Variants in FARS2 observed in about 807,000 individuals in gnomAD.
The protein encoded by FARS2 is phenylalanine--tRNA ligase, mitochondrial.
Under a neutral mutation model 46.4 loss-of-function variants are expected in FARS2, and 40 were observed. The observed-to-expected ratio is 0.86, with a 90% CI of 0.67 to 1.12. FARS2 has a LOEUF of 1.12. FARS2 is among the 50% of genes most tolerant of loss of function. The pLI, the probability that FARS2 is intolerant of heterozygous loss-of-function variation, is 0.00. For synonymous variants in FARS2, 234 were observed against 214.9 expected (o/e 1.09, Z -0.78); for missense variants, 513 against 567.9 (o/e 0.90, Z 0.98).
chr6:5,433,682 A>G (rs185862123), intron 4 of FARS2, among the ~76,000 whole-genome samples: 58 of 152,368 alleles, frequency 3.8e-4, no homozygotes, highest in Middle Eastern at 3.4e-3. Context: ...GCTGACTTCA[A>G]ATACCTCTGT....
intron 4 of FARS2, among the ~76,000 whole-genome samples, chr6:5,514,243 G>C (rs1768647787): frequency 6.6e-6 from 1 of 152,106 alleles, no homozygotes; most frequent in African/African-American, 2.4e-5. Context: ...GTTAAAGCAA[G>C]TTTTGTGAAT....
chr6:5,264,939 T>A (rs1248156652), intron 1 of FARS2, among the ~76,000 whole-genome samples: 1 of 151,582 alleles, frequency 6.6e-6, no homozygotes. Context: ...GCCTATAGGC[T>A]CATGCCACCA....
chr6:5,415,930 C>G (rs1762214373), intron 3 of FARS2, among the ~76,000 whole-genome samples: 2 of 152,158 alleles, frequency 1.3e-5, no homozygotes, highest in Non-Finnish European at 2.9e-5. Flanking sequence ...TGGTCTTGAA[C>G]TCCTGGGCTC....
At chr6:5,490,554 T>C (rs1238548465) in intron 4 of FARS2, among the ~76,000 whole-genome samples, 1 of 152,260 alleles carries the variant, frequency 6.6e-6, no homozygotes. Context: ...TTCCTTGGGC[T>C]TGTGCCAGTA....
At chr6:5,509,749 C>A (rs563224119) in intron 4 of FARS2, among the ~76,000 whole-genome samples, 52 of 152,244 alleles carry the variant, frequency 3.4e-4, no homozygotes, top group African/African-American at 1.2e-3. Context: ...TGGGTGGTTT[C>A]TTTATGGGGA....
At chr6:5,585,540 G>A (rs1342515537) in intron 5 of FARS2, among the ~76,000 whole-genome samples, 1 of 151,208 alleles carries the variant, frequency 6.6e-6, no homozygotes, top group Non-Finnish European at 1.5e-5. Context: ...ACTTTTTAAA[G>A]ATTTCTCATG....
At chr6:5,757,371 A>G (rs1762259541) in intron 6 of FARS2, among the ~76,000 whole-genome samples, 1 of 152,126 alleles carries the variant, frequency 6.6e-6, no homozygotes, top group Non-Finnish European at 1.5e-5. Flanking sequence ...GGGAGTAGTT[A>G]GGAGCAAATA....
intron 4 of FARS2, among the ~76,000 whole-genome samples, chr6:5,538,019 C>T (rs1487019813): frequency 6.6e-6 from 1 of 152,058 alleles, no homozygotes; most frequent in Non-Finnish European, 1.5e-5. Flanking sequence ...ACTGTACAGA[C>T]TTTCATTAGT....
chr6:5,556,669 A>C (rs1771678692), intron 5 of FARS2, among the ~76,000 whole-genome samples: 1 of 118,006 alleles, frequency 8.5e-6, no homozygotes, highest in East Asian at 2.1e-4. Context: ...CTTGTTTATT[A>C]AGTTACTAAG....
intron 4 of FARS2, among the ~76,000 whole-genome samples, chr6:5,519,136 G>A (rs1469545606): frequency 1.3e-5 from 2 of 152,154 alleles, no homozygotes; most frequent in African/African-American, 4.8e-5. Context: ...CTGAAAGGAT[G>A]GTGACCAGGC....
At chr6:5,677,061 C>T (rs987528058) in intron 6 of FARS2, among the ~76,000 whole-genome samples, 3 of 152,212 alleles carry the variant, frequency 2.0e-5, no homozygotes, top group African/African-American at 7.2e-5. Flanking sequence ...ACATCTAAAA[C>T]TGTTTTCAAT....
intron 6 of FARS2, among the ~76,000 whole-genome samples, chr6:5,749,374 T>C (rs923056953): frequency 1.3e-5 from 2 of 152,158 alleles, no homozygotes; most frequent in African/African-American, 4.8e-5. Context: ...GTGGTGGGGA[T>C]TGGAAGAAGG....
intron 1 of FARS2, among the ~76,000 whole-genome samples, chr6:5,356,169 C>T (rs1332517681): frequency 6.6e-6 from 1 of 152,212 alleles, no homozygotes; most frequent in African/African-American, 2.4e-5. Flanking sequence ...GACGAGACGG[C>T]TAGGCGCTGT....
intron 5 of FARS2, among the ~76,000 whole-genome samples, chr6:5,589,295 G>C (rs1180588676): frequency 1.3e-5 from 2 of 152,162 alleles, no homozygotes. Context: ...ATGAGGGGTT[G>C]GTGTGAGGAT....
At position 5,328,579 on chromosome 6, in the gene FARS2, C is replaced by T. The variant is rs191804392; in HGVS notation, c.-21-39971C>T. Among the ~76,000 whole-genome samples the T allele has an allele frequency of 3.1e-3, 470 of 152,140 alleles. 1 individual carries two copies. The highest frequency in any genetic ancestry group is 5.6e-3 in the Non-Finnish European group (380 of 68,004). ...GTTTCCTAAGCTGATCCCTCTGGTC[C>T]ATCATGTCTCCGACATCCACTAAGG... On this transcript the variant is annotated intron_variant, in intron 1 of 6. Coordinates refer to ENST00000274680, the MANE Select transcript of FARS2 (RefSeq NM_006567.5).
At chr6:5,534,219 A>C (rs1163034560) in intron 4 of FARS2, among the ~76,000 whole-genome samples, 1 of 151,506 alleles carries the variant, frequency 6.6e-6, no homozygotes, top group African/African-American at 2.4e-5. Context: ...ACACATGAAA[A>C]CTTTCTTCAA....
chr6:5,285,765 A>G (rs73718039), intron 1 of FARS2, among the ~76,000 whole-genome samples: 3,421 of 152,320 alleles, frequency 0.022, 128 homozygotes, highest in African/African-American at 0.076. Flanking sequence ...CTCTGTGGGT[A>G]GTAAGGGGCC....
chr6:5,572,052 G>A (rs1340697810), intron 5 of FARS2, among the ~76,000 whole-genome samples: 1 of 152,112 alleles, frequency 6.6e-6, no homozygotes, highest in African/African-American at 2.4e-5. Context: ...TTTCCTGTTT[G>A]GACATGTTGT....
At chr6:5,399,214 G>T (rs1251852078) in intron 2 of FARS2, among the ~76,000 whole-genome samples, 11 of 148,894 alleles carry the variant, frequency 7.4e-5, no homozygotes, top group African/African-American at 2.7e-4. Context: ...TCCTTTTGTT[G>T]CCCAGGCTAG....
Sources: gnomAD v4.1 joint callset for allele counts (sites outside exome capture counted in the v4.1 genomes callset) on GRCh38, gnomAD v4.1.1 for gene constraint, MANE v1.5 for transcripts, NCBI Gene and HGNC (gene_info 2026-07-23, HGNC 2026-07-21) for gene names.